NDUFS4: variants seen among roughly 807,000 people sequenced by gnomAD.
NDUFS4 encodes the protein NADH:ubiquinone oxidoreductase subunit S4.
Under a neutral mutation model 24.3 loss-of-function variants are expected in NDUFS4, and 28 were observed. The observed-to-expected ratio is 1.15, with a 90% CI of 0.85 to 1.58. NDUFS4 has a LOEUF of 1.58. Ranked by LOEUF, NDUFS4 falls within the 40% of genes most tolerant of loss-of-function variation. NDUFS4 has a pLI of 0.00. For missense variants in NDUFS4, 223 were observed against 207.9 expected, an observed-to-expected ratio of 1.07 and a Z score of -0.45; for synonymous variants, 93 against 69.7, an observed-to-expected ratio of 1.34 and a Z score of -1.67.
At chr5:53,578,720 C>G (rs949339915) in intron 1 of NDUFS4, among the ~76,000 whole-genome samples, 1 of 152,144 alleles carries the variant, frequency 6.6e-6, no homozygotes, top group Non-Finnish European at 1.5e-5. Context: ...TCATCACTGT[C>G]CTGCTCCTCC....
At chr5:53,623,440 T>G (rs1050262184) in intron 2 of NDUFS4, among the ~76,000 whole-genome samples, 2 of 152,216 alleles carry the variant, frequency 1.3e-5, no homozygotes, top group African/African-American at 2.4e-5. Flanking sequence ...ATTCAAGTTC[T>G]TTGTTCATTT....
At chr5:53,662,985 T>G (rs1197175795) in intron 4 of NDUFS4, among the ~76,000 whole-genome samples, 1 of 152,132 alleles carries the variant, frequency 6.6e-6, no homozygotes, top group East Asian at 1.9e-4. Context: ...CTCTACACAC[T>G]GCTTTGAATG....
intron 3 of NDUFS4, among the ~76,000 whole-genome samples, chr5:53,650,857 G>T (rs1579919190): frequency 2.0e-5 from 3 of 152,126 alleles, no homozygotes; most frequent in African/African-American, 7.2e-5. Flanking sequence ...TTATAGTATT[G>T]CTTAGTCTGG....
chr5:53,592,917 A>T (rs1188221573), intron 1 of NDUFS4, among the ~76,000 whole-genome samples: 2 of 152,192 alleles, frequency 1.3e-5, no homozygotes, highest in Admixed American at 1.3e-4. Flanking sequence ...GTCATGGTAT[A>T]TAAATCTTTT....
At chr5:53,616,202 T>C (rs371125255) in intron 2 of NDUFS4, among the ~76,000 whole-genome samples, 151 of 148,620 alleles carry the variant, frequency 1.0e-3, no homozygotes, top group African/African-American at 3.6e-3. Flanking sequence ...TATTATCCTT[T>C]CCTTCATTCA....
At chr5:53,625,793 A>G (rs1268005477) in intron 2 of NDUFS4, among the ~76,000 whole-genome samples, 2 of 152,158 alleles carry the variant, frequency 1.3e-5, no homozygotes, top group Non-Finnish European at 2.9e-5. Flanking sequence ...ACATATTTAT[A>G]GTCATTATTT....
At chr5:53,577,267 T>C (rs916237891) in intron 1 of NDUFS4, among the ~76,000 whole-genome samples, 1 of 152,212 alleles carries the variant, frequency 6.6e-6, no homozygotes, top group African/African-American at 2.4e-5. Flanking sequence ...TCCCTTTTGA[T>C]TAAAGGTGTT....
chr5:53,619,750 T>C (rs907575343), intron 2 of NDUFS4, among the ~76,000 whole-genome samples: 3 of 152,120 alleles, frequency 2.0e-5, no homozygotes, highest in African/African-American at 7.2e-5. Flanking sequence ...TACAGTTTTT[T>C]ATCCTGTTTT....
intron 1 of NDUFS4, among the ~76,000 whole-genome samples, chr5:53,598,208 A>G (rs541443289): frequency 1.3e-5 from 2 of 152,304 alleles, no homozygotes; most frequent in African/African-American, 2.4e-5. Flanking sequence ...CTACAAAGCT[A>G]AAACATAGTC....
At chr5:53,627,748 C>T (rs1315688078) in intron 2 of NDUFS4, among the ~76,000 whole-genome samples, 2 of 152,134 alleles carry the variant, frequency 1.3e-5, no homozygotes, top group East Asian at 3.8e-4. Context: ...TGAGACTTTG[C>T]TGAAGTTGCT....
intron 2 of NDUFS4, among the ~76,000 whole-genome samples, chr5:53,612,903 A>G (rs1268256323): frequency 6.6e-6 from 1 of 152,132 alleles, no homozygotes; most frequent in East Asian, 1.9e-4. Flanking sequence ...GTCTTCGAAA[A>G]TAAAACAACT....
intron 1 of NDUFS4, among the ~76,000 whole-genome samples, chr5:53,581,962 A>G (rs1382494266): frequency 6.6e-6 from 1 of 152,226 alleles, no homozygotes; most frequent in African/African-American, 2.4e-5. Flanking sequence ...CTGTAATCCC[A>G]GCACTTTGGG....
chr5:53,571,169 C>T (rs1169993957), intron 1 of NDUFS4, among the ~76,000 whole-genome samples: 1 of 152,122 alleles, frequency 6.6e-6, no homozygotes, highest in Non-Finnish European at 1.5e-5. Context: ...TAGAACATTT[C>T]CATCACTCAA....
intron 4 of NDUFS4, among the ~76,000 whole-genome samples, chr5:53,660,505 G>A (rs1223296169): frequency 2.0e-5 from 3 of 152,044 alleles, no homozygotes; most frequent in African/African-American, 7.2e-5. Flanking sequence ...AATCCTTTGG[G>A]TATATACCCA....
At chr5:53,679,805 G>A (rs970108946) in intron 4 of NDUFS4, among the ~76,000 whole-genome samples, 1 of 152,084 alleles carries the variant, frequency 6.6e-6, no homozygotes, top group African/African-American at 2.4e-5. Context: ...GTAATAAGAG[G>A]AGAGAGAACT....
At chr5:53,656,225 T>TC (rs1554059976) in intron 3 of NDUFS4, among the ~76,000 whole-genome samples, 3 of 151,740 alleles carry the variant, frequency 2.0e-5, no homozygotes, top group African/African-American at 4.8e-5. Flanking sequence ...ATTTTTTTTT[T>TC]CTATTAGTCA....
At chr5:53,677,044 C>T (rs940448099) in intron 4 of NDUFS4, among the ~76,000 whole-genome samples, 1 of 151,976 alleles carries the variant, frequency 6.6e-6, no homozygotes, top group Admixed American at 6.6e-5. Flanking sequence ...TGGTTTTTGG[C>T]TATTTGTGTA....
chr5:53,670,445 G>A (rs1752632480), intron 4 of NDUFS4, among the ~76,000 whole-genome samples: 1 of 151,520 alleles, frequency 6.6e-6, no homozygotes, highest in South Asian at 2.1e-4. Context: ...AAAAAAAAAA[G>A]TATCTCAATT....
intron 4 of NDUFS4, among the ~76,000 whole-genome samples, chr5:53,681,711 A>G (rs1184463392): frequency 1.3e-5 from 2 of 152,148 alleles, no homozygotes; most frequent in Non-Finnish European, 2.9e-5. Flanking sequence ...CTGCTTCCCC[A>G]TTTCCTTATA....
Sources: allele counts gnomAD v4.1 joint callset (sites outside exome capture counted in the v4.1 genomes callset), GRCh38; gene constraint gnomAD v4.1.1; transcripts MANE v1.5; gene names NCBI Gene and HGNC (gene_info 2026-07-23, HGNC 2026-07-21).